The following PKD1L1 variants were observed in gnomAD, a reference collection of about 807,000 sequenced individuals.
PKD1L1 encodes polycystin 1 like 1, transient receptor potential channel interacting.
PKD1L1 carries 236 observed loss-of-function variants against 323.4 expected under a neutral mutation model. The ratio of observed to expected loss-of-function variants is 0.73; its 90% confidence interval spans 0.66 to 0.81. The LOEUF is 0.81. PKD1L1 is among the 40% of genes least tolerant of loss of function. The pLI is 0.00. For synonymous variants in PKD1L1, 1,344 were observed against 1,335.0 expected (o/e 1.01, Z -0.15); for missense variants, 3,320 against 3,508.0 (o/e 0.95, Z 1.35).
chr7:47,775,703 T>C (rs1171264041), intron 56 of PKD1L1, among the ~76,000 whole-genome samples: 1 of 151,846 alleles, frequency 6.6e-6, no homozygotes, highest in Non-Finnish European at 1.5e-5. Context: ...TGACCTTAGC[T>C]CTTATGTGAA....
chr7:47,862,326 C>A (rs1562963071), intron 26 of PKD1L1, among the ~76,000 whole-genome samples: 1 of 152,110 alleles, frequency 6.6e-6, no homozygotes, highest in African/African-American at 2.4e-5. Context: ...AATGATGATG[C>A]CCTCCCACCT....
At chr7:47,805,086 TACACACACACAC>T (rs59085691) in intron 52 of PKD1L1, among the ~76,000 whole-genome samples, 2,781 of 150,164 alleles carry the variant, frequency 0.019, 40 homozygotes, top group Middle Eastern at 0.068. Context: ...CCTGTACAAA[TACACACACACAC>T]ACACACACAC....
rs1190746673 is a variant in PKD1L1 at position 47,809,218 on chromosome 7, G to T, written c.7686+255C>A. Reference sequence around the variant, plus strand: ...AGAATCAAGATGTCATTAGGTGACAGAAATTTCTTAGCACCATAAGATCTT... The same window carrying T: ...AGAATCAAGATGTCATTAGGTGACATAAATTTCTTAGCACCATAAGATCTT... On this transcript the variant is annotated intron_variant, in intron 51 of 56. Transcript: ENST00000289672. The T allele has an allele frequency of 1.7e-5, 5 of 300,750 alleles. No homozygotes were observed. The East Asian group carries it at 3.0e-4, about 18-fold the overall frequency. 18.6% of individuals were successfully genotyped at this position (300,750 alleles called of 1,614,324 possible).
At chr7:47,952,419 C>T (rs1260518654), upstream of PKD1L1, among the ~76,000 whole-genome samples, 3 of 152,106 alleles carry the variant, frequency 2.0e-5, no homozygotes, top group Admixed American at 2.0e-4. Flanking sequence ...AAATGGAACC[C>T]GAAGCAACAG....
intron 30 of PKD1L1, among the ~76,000 whole-genome samples, chr7:47,853,764 A>ACAAT (rs1259643305): frequency 9.0e-6 from 1 of 110,594 alleles, no homozygotes; most frequent in African/African-American, 3.5e-5. Flanking sequence ...AAACAAACAA[A>ACAAT]CCAAAAAAAA....
intron 50 of PKD1L1, among the ~76,000 whole-genome samples, chr7:47,810,112 A>G (rs986734711): frequency 6.6e-6 from 1 of 152,120 alleles, no homozygotes. Flanking sequence ...CCCAAACTCA[A>G]ATTTAGTTAT....
Position 47,775,005 on chromosome 7 carries a change from C to G in PKD1L1, c.*138G>C. On this transcript the variant is annotated 3_prime_UTR_variant, in exon 57 of 57. Coordinates refer to ENST00000289672, the MANE Select transcript of PKD1L1 (RefSeq NM_138295.5). ...ATCCTGGTTTCCCATTTACTTGTTA[C>G]GTGAACTGGAAAAATTAACAAAACT... 1 of 855,912 alleles carries G rather than the reference C, an allele frequency of 1.2e-6. No individual in the cohort carries two copies. Among genetic ancestry groups the G allele is most frequent in the Non-Finnish European group, 1.9e-6 (1 of 530,850 alleles). The allele number at this position is 855,912 out of a possible 1,614,324, so 53.0% of individuals were successfully genotyped here.
At chr7:47,856,720 TATTG>T (rs1476948954) in intron 28 of PKD1L1, among the ~76,000 whole-genome samples, 6 of 152,230 alleles carry the variant, frequency 3.9e-5, no homozygotes, top group African/African-American at 1.4e-4. Context: ...TTGTGTTTTT[TATTG>T]ATTGTTAGTT....
intron 3 of PKD1L1, among the ~76,000 whole-genome samples, chr7:47,938,370 A>C (rs1034791078): frequency 6.6e-6 from 1 of 152,062 alleles, no homozygotes; most frequent in African/African-American, 2.4e-5. Flanking sequence ...GAGAACAGGG[A>C]ACCCCTCTGT....
chr7:47,845,212 G>A, intron 32 of PKD1L1, 134 bp from the exon 33 acceptor site: 1 of 674,778 alleles, frequency 1.5e-6, no homozygotes, highest in Non-Finnish European at 2.4e-6. Context: ...CTAAGACCCA[G>A]TTTAAAAGAT....
intron 48 of PKD1L1, 190 bp from the exon 49 acceptor site, chr7:47,813,483 G>A (rs1584961663): frequency 2.7e-6 from 2 of 735,726 alleles, no homozygotes; most frequent in East Asian, 5.4e-5. Flanking sequence ...ACAGGATCAA[G>A]GTTCTACCCA....
chr7:47,952,344 G>A (rs1013085348), upstream of PKD1L1, among the ~76,000 whole-genome samples: 1 of 152,180 alleles, frequency 6.6e-6, no homozygotes, highest in African/African-American at 2.4e-5. Flanking sequence ...TGCTCCAATG[G>A]GGCTGCTGAT....
chr7:47,792,181 T>C (rs1786964950), intron 56 of PKD1L1, among the ~76,000 whole-genome samples: 3 of 152,214 alleles, frequency 2.0e-5, no homozygotes, highest in Non-Finnish European at 2.9e-5. Flanking sequence ...CTCCTCCAGA[T>C]ACACTGTCTA....
chr7:47,901,324 T>A (rs1583660517), intron 13 of PKD1L1, among the ~76,000 whole-genome samples: 3 of 87,942 alleles, frequency 3.4e-5, no homozygotes, highest in South Asian at 3.3e-4. Context: ...GGCAACAGAG[T>A]CTCAAAAAAA....
At chr7:47,923,289 C>T (rs1380713534) in intron 7 of PKD1L1, among the ~76,000 whole-genome samples, 1 of 149,596 alleles carries the variant, frequency 6.7e-6, no homozygotes, top group Non-Finnish European at 1.5e-5. Context: ...TATGACCCTG[C>T]CAAATCCCCG....
chr7:47,776,826 G>A (rs1213611731), intron 56 of PKD1L1, among the ~76,000 whole-genome samples: 2 of 152,176 alleles, frequency 1.3e-5, no homozygotes, highest in Admixed American at 1.3e-4. Context: ...TTAAGGATGG[G>A]TAGGGAGGTG....
chr7:47,823,805 T>C (rs1055986059), intron 45 of PKD1L1, among the ~76,000 whole-genome samples: 1 of 152,230 alleles, frequency 6.6e-6, no homozygotes, highest in Non-Finnish European at 1.5e-5. Context: ...CCTCCTGTTA[T>C]GTGGTTTCCC....
At chr7:47,843,638 G>A (rs543003589) in intron 33 of PKD1L1, among the ~76,000 whole-genome samples, 59 of 152,236 alleles carry the variant, frequency 3.9e-4, no homozygotes, top group Admixed American at 9.2e-4. Flanking sequence ...GCCTCCCACC[G>A]CCCCTGTGGA....
chr7:47,921,238 C>CAAAAAAA (rs139205889), intron 7 of PKD1L1, among the ~76,000 whole-genome samples: 2 of 79,598 alleles, frequency 2.5e-5, no homozygotes, highest in African/African-American at 5.2e-5. Flanking sequence ...AGACAATTCT[C>CAAAAAAA]AAAAAAAAAA....
Sources: allele counts gnomAD v4.1 joint callset (sites outside exome capture counted in the v4.1 genomes callset), GRCh38; gene constraint gnomAD v4.1.1; transcripts MANE v1.5; gene names NCBI Gene and HGNC (gene_info 2026-07-23, HGNC 2026-07-21).